Variants in CDA observed in about 807,000 individuals in gnomAD.
CDA encodes the protein cytidine aminohydrolase.
CDA carries 7 observed loss-of-function variants against 15.0 expected under a neutral mutation model. That is an observed-to-expected ratio of 0.47 (90% CI 0.26 to 0.87). The LOEUF (loss-of-function observed/expected upper bound fraction) is 0.87, where lower values mean the gene tolerates loss of function less well. Ranked by LOEUF, CDA falls within the 40% of genes least tolerant of loss-of-function variation. The pLI is 0.15. For missense variants in CDA, 159 were observed against 182.7 expected (o/e 0.87, Z 0.75); for synonymous variants, 58 against 73.0 (o/e 0.79, Z 1.05).
At chr1:20,595,271 T>A (rs2052582862) in intron 1 of CDA, among the ~76,000 whole-genome samples, 2 of 152,152 alleles carry the variant, frequency 1.3e-5, no homozygotes, top group Non-Finnish European at 2.9e-5. Context: ...CACTTGAGGA[T>A]GTCTTGGTTA....
chr1:20,618,757 C>A lies in CDA; in HGVS notation c.*189C>A. On this transcript the variant is annotated 3_prime_UTR_variant, in exon 4 of 4. Transcript: ENST00000375071. ...ACCTGCCTTGGGACTTAGAACACCG[C>A]CGCCCCCTGCCCCACCTTTCCTTTC... The A allele has an allele frequency of 3.4e-6, 2 of 587,384 alleles. No homozygotes were observed. Among genetic ancestry groups the A allele is most frequent in the Non-Finnish European group, 6.1e-6 (2 of 325,400 alleles). 36.4% of individuals were successfully genotyped at this position (587,384 alleles called of 1,614,324 possible). A position where few individuals can be genotyped will look rare whatever the true frequency, so the allele number is the denominator to read the frequency against.
rs12143372 is a variant in CDA at position 20,590,685 on chromosome 1, G to A, written c.154+1402G>A. On this transcript the variant is annotated intron_variant, in intron 1 of 3. Coordinates refer to ENST00000375071, the MANE Select transcript of CDA (RefSeq NM_001785.3). ...CTCCCTTGGGACTTTGTGCTGCAGA[G>A]GGCAGGAGCTGTGTCTTGAATCTTT... Among the ~76,000 whole-genome samples, 546 of 152,302 alleles carry A rather than the reference G, an allele frequency of 3.6e-3. 5 individuals are homozygous for A. The highest frequency in any genetic ancestry group is 3.1e-3 in the Non-Finnish European group (214 of 68,022).
At chr1:20,611,944 C>A (rs1011350112) in intron 2 of CDA, among the ~76,000 whole-genome samples, 3 of 152,116 alleles carry the variant, frequency 2.0e-5, no homozygotes, top group Admixed American at 1.3e-4. Flanking sequence ...TTCACTGCAA[C>A]CTCCGCCTCC....
chr1:20,613,686 T>C (rs2052774856), intron 2 of CDA, among the ~76,000 whole-genome samples, 156 bp from the exon 3 acceptor site: 2 of 152,182 alleles, frequency 1.3e-5, no homozygotes, highest in African/African-American at 4.8e-5. Context: ...CACGTGGCCT[T>C]CTCAGCCTTC....
At chr1:20,591,786 G>T (rs1378712511) in intron 1 of CDA, among the ~76,000 whole-genome samples, 1 of 152,084 alleles carries the variant, frequency 6.6e-6, no homozygotes, top group Non-Finnish European at 1.5e-5. Flanking sequence ...GTGACTCTGG[G>T]TGAGACCCTT....
Position 20,589,279 on chromosome 1 carries a change from C to A in CDA, c.150C>A (p.Phe50Leu). 1 of 1,613,888 alleles carries A rather than the reference C, an allele frequency of 6.2e-7. No individual in the cohort carries two copies. The highest frequency in any genetic ancestry group is 1.1e-5 in the South Asian group (1 of 91,076). The change falls in exon 1 of 4, where the codon TTC (phenylalanine) becomes TTA (leucine). Residue 50 changes from phenylalanine to leucine, a missense_variant. By Grantham distance (22) the Phe-to-Leu change is conservative (BLOSUM62 0). Coordinates refer to ENST00000375071, the MANE Select transcript of CDA (RefSeq NM_001785.3). Reference protein sequence around the residue: ...AALLTQEGRIFKGCNIENACY... With the variant: ...AALLTQEGRILKGCNIENACY... ...TGCTCACCCAGGAGGGGAGAATCTTCAAAGGTAAAGGTGGGCACCCCAGGG... is the reference window on the plus strand; with the variant it reads ...TGCTCACCCAGGAGGGGAGAATCTTAAAAGGTAAAGGTGGGCACCCCAGGG...
intron 2 of CDA, among the ~76,000 whole-genome samples, chr1:20,613,470 G>A (rs2052772799): frequency 6.6e-6 from 1 of 152,222 alleles, no homozygotes; most frequent in African/African-American, 2.4e-5. Flanking sequence ...CTCCCAAAGT[G>A]CTGGGATTAC....
chr1:20,589,759 G>T (rs1298968058), intron 1 of CDA, among the ~76,000 whole-genome samples: 1 of 152,170 alleles, frequency 6.6e-6, no homozygotes, highest in Non-Finnish European at 1.5e-5. Flanking sequence ...CGCTGGTGGT[G>T]AAACCCTGGG....
At chr1:20,599,998 A>G (rs183170635) in intron 1 of CDA, among the ~76,000 whole-genome samples, 65 of 152,366 alleles carry the variant, frequency 4.3e-4, no homozygotes, top group African/African-American at 1.5e-3. Context: ...GTCCCAGGGC[A>G]GAATGAAACC....
At position 20,604,958 on chromosome 1, in the gene CDA, T is replaced by C. The variant is rs1305057603; in HGVS notation, c.185T>C (p.Leu62Pro). The change falls in exon 2 of 4, where the codon CTG becomes CCG. Residue 62 changes from leucine to proline, a missense_variant. Transcript: ENST00000375071. ...AACATAGAAAATGCCTGCTACCCGC[T>C]GGGCATCTGTGCTGAACGGACCGCT... The part of the protein sequence containing the change: ...GCNIENACYP[L>P]GICAERTAIQ... 6.2e-7 allele frequency: 1 copy of C among 1,613,742 alleles called. No individual in the cohort carries two copies. The highest frequency in any genetic ancestry group is 8.5e-7 in the Non-Finnish European group (1 of 1,179,796).
At chr1:20,612,109 C>T (rs1465333036) in intron 2 of CDA, among the ~76,000 whole-genome samples, 10 of 152,134 alleles carry the variant, frequency 6.6e-5, no homozygotes, top group African/African-American at 2.2e-4. Flanking sequence ...GTGATCCATC[C>T]GCCTCAGCCT....
intron 2 of CDA, among the ~76,000 whole-genome samples, chr1:20,612,053 C>G (rs1178131854): frequency 6.6e-6 from 1 of 151,752 alleles, no homozygotes; most frequent in Non-Finnish European, 1.5e-5. Flanking sequence ...AGTAGAGATG[C>G]AGTTTCGCCA....
intron 3 of CDA, among the ~76,000 whole-genome samples, chr1:20,616,235 A>C (rs1047780395): frequency 1.3e-5 from 2 of 152,138 alleles, no homozygotes; most frequent in South Asian, 4.1e-4. Context: ...TAAGTTGGAC[A>C]AAATTATTTT....
intron 1 of CDA, among the ~76,000 whole-genome samples, chr1:20,597,175 G>A (rs1047624388): frequency 8.5e-5 from 13 of 152,154 alleles, no homozygotes; most frequent in Admixed American, 7.2e-4. Flanking sequence ...CTGGCCGGGC[G>A]CCGTGGCTCA....
intron 2 of CDA, among the ~76,000 whole-genome samples, chr1:20,608,611 C>T (rs775126771): frequency 2.0e-5 from 3 of 152,150 alleles, no homozygotes; most frequent in Non-Finnish European, 4.4e-5. Flanking sequence ...GGTTTCACCA[C>T]GTTGACCAAG....
chr1:20,612,506 C>A (rs1354278366), intron 2 of CDA, among the ~76,000 whole-genome samples: 1 of 152,016 alleles, frequency 6.6e-6, no homozygotes, highest in African/African-American at 2.4e-5. Flanking sequence ...CCGTGTGACC[C>A]CCGCCCCTGC....
In CDA at chr1:20,612,003, C is replaced by T. The variant is rs1013346241; in HGVS notation, c.267-1839C>T. Among the ~76,000 whole-genome samples, 3 of 151,788 alleles carry T rather than the reference C, an allele frequency of 2.0e-5. No homozygotes were observed. In the South Asian group the frequency reaches 6.3e-4, roughly 32 times the overall value. ...TCACTCTCCTGAGTTGCTGGGACTA[C>T]AGGCCTGCACCACCACACCTGGCTA... On this transcript the variant is annotated intron_variant, in intron 2 of 3. Coordinates refer to ENST00000375071, the MANE Select transcript of CDA (RefSeq NM_001785.3).
Position 20,618,662 on chromosome 1 carries a change from C to T in CDA, c.*94C>T, listed in dbSNP as rs1443594615. ...GGGACACCTGCCCAGTGGGCCCCAG[C>T]CCTACAGGGACTGGGCAAAGATGAT... On this transcript the variant is annotated 3_prime_UTR_variant, in exon 4 of 4. Transcript: ENST00000375071. 1 of 812,204 alleles carries T rather than the reference C, an allele frequency of 1.2e-6. No individual in the cohort carries two copies. Among genetic ancestry groups the T allele is most frequent in the African/African-American group, 1.7e-5 (1 of 59,554 alleles). The allele number at this position is 812,204 out of a possible 1,614,324, so 50.3% of individuals were successfully genotyped here.
At chr1:20,603,067 TG>T (rs1464675882) in intron 1 of CDA, among the ~76,000 whole-genome samples, 20 of 152,348 alleles carry the variant, frequency 1.3e-4, no homozygotes, top group Admixed American at 1.2e-3. Context: ...TCCTGGTTAT[TG>T]CAGGTGGAGC....
Sources: allele counts gnomAD v4.1 joint callset (sites outside exome capture counted in the v4.1 genomes callset), GRCh38; gene constraint gnomAD v4.1.1; transcripts MANE v1.5; gene names NCBI Gene and HGNC (gene_info 2026-07-23, HGNC 2026-07-21).